Variants in VRK2 observed in about 807,000 individuals in gnomAD.
VRK2 encodes the protein serine/threonine-protein kinase VRK2.
VRK2 carries 60 observed loss-of-function variants against 57.6 expected under a neutral mutation model. The ratio of observed to expected loss-of-function variants is 1.04; its 90% CI spans 0.85 to 1.29. The LOEUF is 1.29. VRK2 is among the 50% of genes most tolerant of loss of function. The pLI, the probability that VRK2 is intolerant of heterozygous loss-of-function variation, is 0.00. For missense variants in VRK2, 705 were observed against 588.1 expected (o/e 1.20, Z -2.06); for synonymous variants, 231 against 199.2 (o/e 1.16, Z -1.35).
upstream of VRK2, among the ~76,000 whole-genome samples, chr2:58,044,808 G>C (rs937206085): frequency 6.6e-6 from 1 of 152,158 alleles, no homozygotes; most frequent in Admixed American, 6.5e-5. Flanking sequence ...ATTGGGGAGT[G>C]GGAGTGCATA....
At chr2:58,045,975 C>T (rs1430196970), upstream of VRK2, among the ~76,000 whole-genome samples, 1 of 152,260 alleles carries the variant, frequency 6.6e-6, no homozygotes, top group Non-Finnish European at 1.5e-5. Context: ...TGCCGAGTAG[C>T]TGGGATTACA....
At chr2:58,050,768 A>C (rs909772113) in intron 2 of VRK2, among the ~76,000 whole-genome samples, 3 of 152,228 alleles carry the variant, frequency 2.0e-5, no homozygotes, top group Non-Finnish European at 4.4e-5. Flanking sequence ...ATACTTGCAT[A>C]GGCATGTGAC....
intron 11 of VRK2, among the ~76,000 whole-genome samples, chr2:58,144,202 T>A (rs948717526): frequency 6.6e-6 from 1 of 151,696 alleles, no homozygotes; most frequent in Non-Finnish European, 1.5e-5. Context: ...ATAATAAACT[T>A]ATGAAAGCAG....
intron 1 of VRK2, among the ~76,000 whole-genome samples, chr2:57,965,743 C>A (rs1485182363): frequency 6.6e-6 from 1 of 152,132 alleles, no homozygotes; most frequent in Non-Finnish European, 1.5e-5. Flanking sequence ...ATGACAACAT[C>A]CATTTCATGA....
At chr2:58,067,821 A>G (rs1668812804) in intron 2 of VRK2, among the ~76,000 whole-genome samples, 1 of 152,028 alleles carries the variant, frequency 6.6e-6, no homozygotes, top group South Asian at 2.1e-4. Context: ...GTTATTGATC[A>G]TGTTTTCTCT....
chr2:58,017,617 G>C (rs564630828), intron 1 of VRK2, among the ~76,000 whole-genome samples: 2 of 152,172 alleles, frequency 1.3e-5, no homozygotes, highest in African/African-American at 4.8e-5. Context: ...CTTAGGGAAA[G>C]AGCGTTAAAT....
At chr2:58,040,903 TA>T in intron 3 of VRK2, 4 of 491,388 alleles carry the variant, frequency 8.1e-6, no homozygotes, top group South Asian at 8.7e-5. Flanking sequence ...AAGGTAAGCC[TA>T]AAAACATGAC....
intron 1 of VRK2, among the ~76,000 whole-genome samples, chr2:57,988,997 T>G (rs1306143725): frequency 6.6e-6 from 1 of 152,210 alleles, no homozygotes; most frequent in Admixed American, 6.5e-5. Flanking sequence ...ACCAATTTCT[T>G]CCTATTGCTC....
At chr2:57,933,860 A>T (rs1176087203) in intron 1 of VRK2, among the ~76,000 whole-genome samples, 3 of 151,966 alleles carry the variant, frequency 2.0e-5, no homozygotes, top group African/African-American at 7.3e-5. Flanking sequence ...TCTTTAGTGC[A>T]ATCCTTGGAT....
intron 1 of VRK2, among the ~76,000 whole-genome samples, chr2:57,956,854 C>T (rs1161042901): frequency 6.6e-6 from 1 of 152,022 alleles, no homozygotes; most frequent in African/African-American, 2.4e-5. Flanking sequence ...AAAATGTCTG[C>T]CATTGTATTA....
chr2:57,936,376 C>G (rs917539070), intron 1 of VRK2, among the ~76,000 whole-genome samples: 3 of 152,158 alleles, frequency 2.0e-5, no homozygotes, highest in African/African-American at 7.2e-5. Context: ...CACTAAATGA[C>G]TCATAATGTA....
upstream of VRK2, among the ~76,000 whole-genome samples, chr2:58,044,359 A>C (rs892003250): frequency 6.6e-6 from 1 of 152,212 alleles, no homozygotes; most frequent in African/African-American, 2.4e-5. Context: ...TGTCTAAACC[A>C]ATCATGGGAA....
At chr2:58,077,843 A>C (rs1247637661) in intron 2 of VRK2, among the ~76,000 whole-genome samples, 3 of 152,070 alleles carry the variant, frequency 2.0e-5, no homozygotes, top group Non-Finnish European at 2.9e-5. Context: ...ATGCATGGAA[A>C]TTTGTCTAAG....
At chr2:57,959,658 T>C (rs1164010079) in intron 1 of VRK2, among the ~76,000 whole-genome samples, 1 of 152,166 alleles carries the variant, frequency 6.6e-6, no homozygotes, top group South Asian at 2.1e-4. Context: ...AGTGCCAGTT[T>C]GTTCCTCTTC....
chr2:58,090,814 C>T (rs1387680192), intron 7 of VRK2, among the ~76,000 whole-genome samples: 1 of 152,096 alleles, frequency 6.6e-6, no homozygotes, highest in Non-Finnish European at 1.5e-5. Context: ...ACCAAGATGT[C>T]TTTGAGTAGG....
chr2:58,103,819 C>T (rs983193081), intron 7 of VRK2, among the ~76,000 whole-genome samples: 7 of 151,754 alleles, frequency 4.6e-5, no homozygotes, highest in African/African-American at 1.7e-4. Context: ...ATCAATATCC[C>T]TGATGACCAT....
rs570045756 is a variant in VRK2, at chr2:57,986,122, T to A, written c.-438-39543T>A. On this transcript the variant is annotated intron_variant, in intron 1 of 15. Transcript: ENST00000417641. ...TGGAAATTTTACCCTGTGAGTGTTC[T>A]ACTTGGGAGAGAAGCAGAAAGAAAA... 2.0e-5 allele frequency among the ~76,000 whole-genome samples: 3 copies of A among 152,230 alleles called. No individual in the cohort carries two copies. The South Asian group carries it at 6.2e-4, about 32-fold the overall frequency.
intron 10 of VRK2, among the ~76,000 whole-genome samples, chr2:58,138,926 T>C (rs1182530591): frequency 6.6e-6 from 1 of 152,204 alleles, no homozygotes; most frequent in Non-Finnish European, 1.5e-5. Flanking sequence ...GTGATGTTTG[T>C]AACTGTTGGT....
intron 2 of VRK2, among the ~76,000 whole-genome samples, chr2:58,055,417 A>G (rs190462546): frequency 6.6e-6 from 1 of 152,210 alleles, no homozygotes; most frequent in African/African-American, 2.4e-5. Context: ...GAAGTTGATT[A>G]ATTTTGAAAG....
Sources: gnomAD v4.1 joint callset for allele counts (sites outside exome capture counted in the v4.1 genomes callset) on GRCh38, gnomAD v4.1.1 for gene constraint, MANE v1.5 for transcripts, NCBI Gene and HGNC (gene_info 2026-07-23, HGNC 2026-07-21) for gene names.